The following HLF variants were observed in gnomAD, a reference collection of about 807,000 sequenced individuals.
HLF encodes hepatic leukemia factor.
A neutral mutation model predicts 22.6 loss-of-function variants in HLF; 3 were observed. The ratio of observed to expected loss-of-function variants is 0.13; its 90% CI spans 0.06 to 0.34. The LOEUF (loss-of-function observed/expected upper bound fraction) is 0.34, where lower values mean the gene tolerates loss of function less well. Ranked by LOEUF, HLF falls within the 10% of genes least tolerant of loss-of-function variation. The pLI is 1.00. For missense variants in HLF, 299 were observed against 389.2 expected, an observed-to-expected ratio of 0.77 and a Z score of 1.95; for synonymous variants, 151 against 151.8, an observed-to-expected ratio of 0.99 and a Z score of 0.04.
chr17:55,277,501 T>C (rs778517325), intron 2 of HLF, among the ~76,000 whole-genome samples: 1 of 151,940 alleles, frequency 6.6e-6, no homozygotes, highest in Non-Finnish European at 1.5e-5. Context: ...TGACCTTGTA[T>C]TTGTGGCTCC....
intron 2 of HLF, among the ~76,000 whole-genome samples, chr17:55,313,798 G>A (rs1447937517): frequency 6.6e-6 from 1 of 151,948 alleles, no homozygotes; most frequent in Non-Finnish European, 1.5e-5. Context: ...AGCACCTCAG[G>A]GCCCATCTCT....
At chr17:55,310,912 A>T (rs1904799199) in intron 2 of HLF, among the ~76,000 whole-genome samples, 1 of 152,208 alleles carries the variant, frequency 6.6e-6, no homozygotes, top group Non-Finnish European at 1.5e-5. Context: ...ATAAACTGAA[A>T]TGTGAAAGGC....
At chr17:55,301,081 T>C (rs1271018467) in intron 2 of HLF, among the ~76,000 whole-genome samples, 1 of 152,254 alleles carries the variant, frequency 6.6e-6, no homozygotes, top group Non-Finnish European at 1.5e-5. Context: ...ATTTCAAGAC[T>C]TGGCCAGGAT....
chr17:55,312,016 A>G (rs557385345), intron 2 of HLF, among the ~76,000 whole-genome samples: 1 of 152,338 alleles, frequency 6.6e-6, no homozygotes, highest in South Asian at 2.1e-4. Flanking sequence ...TTTAATGGAT[A>G]CATAGTATTC....
In HLF at chr17:55,280,290, A is replaced by G. The variant is rs555130230; in HGVS notation, c.451+12204A>G. On this transcript the variant is annotated intron_variant, in intron 2 of 3. Coordinates refer to ENST00000226067, the MANE Select transcript of HLF (RefSeq NM_002126.5). ...AGAAAGGATCAGGAAGAGATACAGC[A>G]GGTGAGCACCCTGTGTTTTTACACC... Among the ~76,000 whole-genome samples the G allele has an allele frequency of 9.8e-5, 15 of 152,362 alleles. No homozygotes were observed. In the East Asian group the frequency reaches 2.9e-3, roughly 29 times the overall value.
At chr17:55,265,875 G>T in intron 1 of HLF, 3 of 1,216,382 alleles carry the variant, frequency 2.5e-6, no homozygotes, top group Non-Finnish European at 3.1e-6. Flanking sequence ...GGTGGGAGGT[G>T]TAACTTGACA....
chr17:55,315,508 A>T, intron 3 of HLF, 61 bp downstream of exon 3: 1 of 1,241,428 alleles, frequency 8.1e-7, no homozygotes, highest in East Asian at 2.3e-5. Context: ...CAGACAGATT[A>T]AAAGGGTGAC....
rs540206514 is a variant in HLF at position 55,282,186 on chromosome 17, G to A, written c.451+14100G>A. On this transcript the variant is annotated intron_variant, in intron 2 of 3. Coordinates refer to ENST00000226067, the MANE Select transcript of HLF (RefSeq NM_002126.5). The stretch of plus-strand genomic sequence containing the variant: ...ATTGTCACCCAGTGAGTTTTAATTC[G>A]GAGTCCGAATCTGGTATTTAAAGGC... Among the ~76,000 whole-genome samples the A allele has an allele frequency of 2.6e-5, 4 of 152,254 alleles. No homozygotes were observed. The South Asian group carries it at 6.2e-4, about 24-fold the overall frequency.
intron 1 of HLF, 105 bp downstream of exon 1, chr17:55,265,704 T>G: frequency 9.3e-7 from 1 of 1,074,086 alleles, no homozygotes. Flanking sequence ...GCTCCCGCCC[T>G]GTCCCGCGGC....
chr17:55,271,811 G>A (rs11650482), intron 2 of HLF: 18,454 of 152,212 alleles, frequency 0.12, 1,412 homozygotes, highest in Non-Finnish European at 0.17. Flanking sequence ...GATTACAGGC[G>A]TGAGCCACCA....
chr17:55,295,021 G>A (rs191592183), intron 2 of HLF, among the ~76,000 whole-genome samples: 36 of 152,074 alleles, frequency 2.4e-4, no homozygotes, highest in African/African-American at 6.8e-4. Context: ...TTTACTGAGG[G>A]CCTAGCAAGG....
chr17:55,288,785 T>G (rs4299205), intron 2 of HLF: 204,577 of 309,004 alleles, frequency 0.66, 69,657 homozygotes, highest in African/African-American at 0.89. Flanking sequence ...TTAAAAAAAA[T>G]ATTCAAGAAT....
At position 55,265,466 on chromosome 17, in the gene HLF, A is replaced by G; in HGVS notation, c.-19A>G. 5 of 1,457,216 alleles carry G rather than the reference A, an allele frequency of 3.4e-6. No homozygotes were observed. The highest frequency in any genetic ancestry group is 3.8e-6 in the Non-Finnish European group (4 of 1,041,142). 90.3% of individuals were successfully genotyped at this position (1,457,216 alleles called of 1,614,324 possible). On this transcript the variant is annotated 5_prime_UTR_variant, in exon 1 of 4. Coordinates refer to ENST00000226067, the MANE Select transcript of HLF (RefSeq NM_002126.5). ...TTCTTATTTCTTTTTTTAAGGGGAAAAAATTTGAGTGCATCGCGATGGAGA... is the reference window on the plus strand; with the variant it reads ...TTCTTATTTCTTTTTTTAAGGGGAAGAAATTTGAGTGCATCGCGATGGAGA...
intron 2 of HLF, among the ~76,000 whole-genome samples, chr17:55,270,062 C>T (rs1484289336): frequency 6.6e-6 from 1 of 152,136 alleles, no homozygotes; most frequent in African/African-American, 2.4e-5. Flanking sequence ...TTTGTCAGAG[C>T]TCATTAGAGT....
At chr17:55,296,111 C>T (rs1313913320) in intron 2 of HLF, among the ~76,000 whole-genome samples, 2 of 152,058 alleles carry the variant, frequency 1.3e-5, no homozygotes, top group African/African-American at 2.4e-5. Context: ...TGATTGCCTC[C>T]GGAGCACCAC....
chr17:55,271,885 T>C (rs1476274039), intron 2 of HLF: 2 of 152,218 alleles, frequency 1.3e-5, no homozygotes, highest in Non-Finnish European at 2.9e-5. Context: ...CCCTTTCTTA[T>C]CTTGAGCACC....
At chr17:55,319,421 G>A (rs1384954777) in intron 3 of HLF, among the ~76,000 whole-genome samples, 1 of 152,196 alleles carries the variant, frequency 6.6e-6, no homozygotes, top group Non-Finnish European at 1.5e-5. Context: ...TGAGGGATTT[G>A]CTGTTGCAAA....
At chr17:55,280,897 GGAA>G (rs1026527387) in intron 2 of HLF, among the ~76,000 whole-genome samples, 1 of 152,208 alleles carries the variant, frequency 6.6e-6, no homozygotes, top group Non-Finnish European at 1.5e-5. Flanking sequence ...TAGATTATTT[GGAA>G]GAAATGTCTA....
chr17:55,302,493 T>A (rs1292183246), intron 2 of HLF, among the ~76,000 whole-genome samples: 1 of 152,182 alleles, frequency 6.6e-6, no homozygotes, highest in East Asian at 1.9e-4. Flanking sequence ...TTGTTTTGTT[T>A]CGTTTGGTTT....
Sources: gnomAD v4.1 joint callset for allele counts (sites outside exome capture counted in the v4.1 genomes callset) on GRCh38, gnomAD v4.1.1 for gene constraint, MANE v1.5 for transcripts, NCBI Gene and HGNC (gene_info 2026-07-23, HGNC 2026-07-21) for gene names.